The following ENTPD3 variants were observed in gnomAD, a reference collection of about 807,000 sequenced individuals.
ENTPD3 encodes the protein CD39 antigen-like 3.
In ENTPD3, 60 loss-of-function variants were observed where a neutral mutation model predicts 51.2. The ratio of observed to expected loss-of-function variants is 1.17; its 90% CI spans 0.95 to 1.45. The LOEUF is 1.45. ENTPD3 is among the 40% of genes most tolerant of loss of function. ENTPD3 has a pLI of 0.00. For missense variants in ENTPD3, 593 were observed against 641.1 expected (o/e 0.93, Z 0.81); for synonymous variants, 221 against 238.4 (o/e 0.93, Z 0.67).
At chr3:40,392,196 G>T in intron 3 of ENTPD3, 46 bp downstream of exon 3, 1 of 1,597,980 alleles carries the variant, frequency 6.3e-7, no homozygotes, top group South Asian at 1.1e-5. Context: ...TGAGCATAAA[G>T]GGGAAGAAAT....
In ENTPD3 at chr3:40,411,864, T is replaced by A. The variant is rs1279971379; in HGVS notation, c.339T>A (p.Phe113Leu). ...ACCCCCAAGATGTCCCCAGAGCCTT[T>A]GAGGAGTGTATGCAAAAAGTCAAGG... ...GNNPQDVPRA[F>L]EECMQKVKGQ... The change falls in exon 5 of 11, where the codon TTT (phenylalanine) becomes TTA (leucine). Residue 113 changes from phenylalanine (F) to leucine (L), a missense_variant. Coordinates refer to ENST00000301825, the MANE Select transcript of ENTPD3 (RefSeq NM_001248.4). The A allele has an allele frequency of 6.2e-7, 1 of 1,612,240 alleles. No homozygotes were observed. The highest frequency in any genetic ancestry group is 8.5e-7 in the Non-Finnish European group (1 of 1,179,266).
At chr3:40,406,060 C>CATA (rs567918975) in intron 4 of ENTPD3, among the ~76,000 whole-genome samples, 88 of 152,218 alleles carry the variant, frequency 5.8e-4, no homozygotes, top group African/African-American at 2.0e-3. Context: ...AATAAACGGG[C>CATA]ATATAACGAG....
chr3:40,420,753 C>T (rs1305657151), intron 7 of ENTPD3, among the ~76,000 whole-genome samples: 2 of 152,172 alleles, frequency 1.3e-5, no homozygotes, highest in East Asian at 3.9e-4. Flanking sequence ...AGGATTTTTG[C>T]AGAATCTTGT....
intron 3 of ENTPD3, chr3:40,392,410 T>C: frequency 2.5e-6 from 1 of 406,972 alleles, no homozygotes; most frequent in East Asian, 4.5e-5. Context: ...ACTTCAAAGC[T>C]AAAATTTGTA....
At chr3:40,425,039 G>T in intron 10 of ENTPD3, 1 of 320,240 alleles carries the variant, frequency 3.1e-6, no homozygotes, top group Non-Finnish European at 5.9e-6. Context: ...TTGAATGCCA[G>T]TTTGAGTTGA....
chr3:40,393,687 A>C (rs1955119691), intron 3 of ENTPD3, among the ~76,000 whole-genome samples: 1 of 152,128 alleles, frequency 6.6e-6, no homozygotes, highest in South Asian at 2.1e-4. Flanking sequence ...CCCAATAATG[A>C]GAAGAAAGCA....
intron 9 of ENTPD3, 133 bp from the exon 10 acceptor site, chr3:40,423,693 G>C (rs1955928537): frequency 1.8e-5 from 18 of 1,001,172 alleles, no homozygotes. Context: ...GTGATTATAT[G>C]ATTGTATTAT....
At position 40,422,966 on chromosome 3, in the gene ENTPD3, T is replaced by G; in HGVS notation, c.948T>G (p.Ser316Arg). The change falls in exon 8 of 11, where the codon AGT becomes AGG. Residue 316 changes from serine to arginine, a missense_variant. Ser to Arg is a moderately radical substitution (Grantham distance 110, BLOSUM62 -1). Transcript: ENST00000301825. ...SLCTVDQRPESYNPNDVITFE... is the reference protein window; with the variant it reads ...SLCTVDQRPERYNPNDVITFE... The stretch of plus-strand genomic sequence containing the variant: ...GCACTGTGGACCAGAGGCCAGAAAG[T>G]TATAACCCCAATGATGTCATCACTT... 2 of 1,614,100 alleles carry G rather than the reference T, an allele frequency of 1.2e-6. No homozygotes were observed. The highest frequency in any genetic ancestry group is 1.7e-6 in the Non-Finnish European group (2 of 1,179,996).
At chr3:40,394,254 A>G in intron 3 of ENTPD3, 1 of 252,792 alleles carries the variant, frequency 4.0e-6, no homozygotes, top group Non-Finnish European at 8.2e-6. Flanking sequence ...AGCTAGGATC[A>G]CAGGTGCCCA....
chr3:40,423,239 C>A (rs1955916807), intron 8 of ENTPD3, 52 bp from the exon 9 acceptor site: 24 of 1,566,492 alleles, frequency 1.5e-5, no homozygotes, highest in Non-Finnish European at 2.1e-5. Context: ...ATAAACCTTT[C>A]TATTATACCC....
At chr3:40,401,274 A>AT (rs1278344942) in intron 4 of ENTPD3, among the ~76,000 whole-genome samples, 1 of 152,140 alleles carries the variant, frequency 6.6e-6, no homozygotes, top group Non-Finnish European at 1.5e-5. Context: ...ATGGTCTGAG[A>AT]TTTTACCCTG....
intron 10 of ENTPD3, 22 bp from the exon 11 acceptor site, chr3:40,427,250 A>G (rs1383834553): frequency 1.3e-6 from 2 of 1,590,634 alleles, no homozygotes; most frequent in African/African-American, 2.7e-5. Flanking sequence ...CTGAGCGCTG[A>G]GCCATCTCCT....
chr3:40,427,458 A>G lies in ENTPD3; in HGVS notation c.1540A>G (p.Arg514Gly), dbSNP rs1477710771. 6.2e-7 allele frequency: 1 copy of G among 1,613,346 alleles called. No individual in the cohort carries two copies. Among genetic ancestry groups the G allele is most frequent in the African/African-American group, 1.3e-5 (1 of 74,272 alleles). ...TGCATACCTGTGTTCAGCAACCAGA[A>G]GAAAGAGGCACTCCGAGCATGCCTT... ...FLAYLCSATR[R>G]KRHSEHAFDH... The change falls in exon 11 of 11, where the codon AGA becomes GGA. Residue 514 changes from arginine (R) to glycine (G), a missense_variant. Arg to Gly is a moderately radical substitution (Grantham distance 125). Coordinates refer to ENST00000301825, the MANE Select transcript of ENTPD3 (RefSeq NM_001248.4).
chr3:40,416,589 C>T (rs1955752465), intron 7 of ENTPD3, among the ~76,000 whole-genome samples: 1 of 152,126 alleles, frequency 6.6e-6, no homozygotes, highest in Non-Finnish European at 1.5e-5. Context: ...TCATGTTGAT[C>T]AGTAATTCAT....
intron 5 of ENTPD3, among the ~76,000 whole-genome samples, chr3:40,414,229 T>G (rs1208476047): frequency 1.3e-5 from 2 of 152,192 alleles, no homozygotes; most frequent in Non-Finnish European, 2.9e-5. Flanking sequence ...AAACTCAATG[T>G]TCTTCCTTTC....
At position 40,388,522 on chromosome 3, in the gene ENTPD3, G is replaced by T. The variant is rs1048307221; in HGVS notation, c.40+425G>T. 2.0e-5 allele frequency among the ~76,000 whole-genome samples: 3 copies of T among 149,986 alleles called. No individual in the cohort carries two copies. The Admixed American group carries it at 2.0e-4, about 10-fold the overall frequency. ...CCACCCCTCACTGTGAGTCAGTGTT[G>T]TTATGGTTGATACTGCAGGCACAAG... On this transcript the variant is annotated intron_variant, in intron 2 of 10. Coordinates refer to ENST00000301825, the MANE Select transcript of ENTPD3 (RefSeq NM_001248.4).
rs1174474065 is a variant in ENTPD3 at position 40,424,187 on chromosome 3, A to G, written c.1353+224A>G. On this transcript the variant is annotated intron_variant, in intron 10 of 10. Coordinates refer to ENST00000301825, the MANE Select transcript of ENTPD3 (RefSeq NM_001248.4). ...TGGAAAAGACTGGAAGCCAAGGGCC[A>G]ATGGACTAGGCGGTCCTGGAGGGCA... The G allele has an allele frequency of 2.3e-5, 23 of 985,106 alleles. No individual in the cohort carries two copies. In the South Asian group the frequency reaches 9.4e-4, roughly 40 times the overall value. 61.0% of individuals were successfully genotyped at this position (985,106 alleles called of 1,614,324 possible). A position where few individuals can be genotyped will look rare whatever the true frequency, so the allele number is the denominator to read the frequency against.
At chr3:40,388,173 T>G (rs1481883570) in intron 2 of ENTPD3, 76 bp downstream of exon 2, 2 of 1,321,296 alleles carry the variant, frequency 1.5e-6, no homozygotes, top group Non-Finnish European at 2.2e-6. Context: ...CTACAGTTTT[T>G]CATCCATATC....
chr3:40,423,090 GT>G lies in ENTPD3; in HGVS notation c.1075del (p.Tyr359IlefsTer22). On this transcript the variant is annotated frameshift_variant, in exon 8 of 11. Coordinates refer to ENST00000301825, the MANE Select transcript of ENTPD3 (RefSeq NM_001248.4). LOFTEE classifies it high-confidence loss of function. ...HDQETCSFDG[V>X]YQPKIKGPFV... is the part of the protein sequence containing the mutation. ...TCAAGAAACCTGTTCTTTTGATGGG[GT>G]TTATCAGCCAAAGATTAAAGGGCCA... 2 of 1,613,632 alleles carry G rather than the reference GT, an allele frequency of 1.2e-6. No homozygotes were observed. The highest frequency in any genetic ancestry group is 1.7e-6 in the Non-Finnish European group (2 of 1,179,686).
Sources: gnomAD v4.1 joint callset for allele counts (sites outside exome capture counted in the v4.1 genomes callset) on GRCh38, gnomAD v4.1.1 for gene constraint, MANE v1.5 for transcripts, NCBI Gene and HGNC (gene_info 2026-07-23, HGNC 2026-07-21) for gene names.